ADGRB1: variants seen among roughly 807,000 people sequenced by gnomAD.
ADGRB1 encodes the protein adhesion G protein-coupled receptor B1.
ADGRB1 carries 36 observed loss-of-function variants against 175.7 expected under a neutral mutation model. The observed-to-expected ratio is 0.20, with a 90% CI of 0.16 to 0.27. The LOEUF is 0.27. ADGRB1 is among the 10% of genes least tolerant of loss of function. The pLI is 1.00. For missense variants in ADGRB1, 1,731 were observed against 2,255.3 expected, an observed-to-expected ratio of 0.77 and a Z score of 4.71; for synonymous variants, 1,054 against 979.4, an observed-to-expected ratio of 1.08 and a Z score of -1.42.
chr8:142,520,408 A>ATGGTTGTGT (rs1563735896), intron 19 of ADGRB1, among the ~76,000 whole-genome samples: 20 of 14,806 alleles, frequency 1.4e-3, no homozygotes, highest in African/African-American at 3.4e-3. Context: ...GATGTTGGTA[A>ATGGTTGTGT]TGGTGATAGT....
chr8:142,463,929 G>A (rs900741130), intron 1 of ADGRB1, 51 bp from the exon 2 acceptor site: 1 of 319,572 alleles, frequency 3.1e-6, no homozygotes, highest in Non-Finnish European at 5.7e-6. Context: ...CATGCCCAGA[G>A]CCCACGTCTC....
At chr8:142,456,622 C>T (rs1184616454) in intron 1 of ADGRB1, among the ~76,000 whole-genome samples, 1 of 152,268 alleles carries the variant, frequency 6.6e-6, no homozygotes, top group Non-Finnish European at 1.5e-5. Flanking sequence ...GATGCATCCT[C>T]TAGCCCCTCC....
intron 17 of ADGRB1, among the ~76,000 whole-genome samples, chr8:142,498,171 CT>C (rs1436709721): frequency 6.6e-6 from 1 of 152,174 alleles, no homozygotes; most frequent in East Asian, 1.9e-4. Flanking sequence ...ACCCCTGTCT[CT>C]TTCTTCCTGG....
At chr8:142,472,354 G>C (rs1342480650) in intron 2 of ADGRB1, among the ~76,000 whole-genome samples, 1 of 152,194 alleles carries the variant, frequency 6.6e-6, no homozygotes, top group East Asian at 1.9e-4. Context: ...TTAATGAGAT[G>C]GAAATGAGGC....
chr8:142,525,680 G>A (rs543410978), intron 23 of ADGRB1, among the ~76,000 whole-genome samples: 1 of 152,298 alleles, frequency 6.6e-6, no homozygotes, highest in East Asian at 1.9e-4. Flanking sequence ...AGGGCTACAC[G>A]GTCTACCACC....
intron 11 of ADGRB1, among the ~76,000 whole-genome samples, 160 bp from the exon 12 acceptor site, chr8:142,483,816 TG>T (rs1017449993): frequency 4.0e-5 from 6 of 150,362 alleles, no homozygotes; most frequent in Non-Finnish European, 7.4e-5. Context: ...ACCCTGGCTC[TG>T]GTCACAGTGA....
chr8:142,543,506 G>A lies in ADGRB1; in HGVS notation c.4449+68G>A, dbSNP rs1053451698. 1.9e-6 allele frequency: 3 copies of A among 1,608,686 alleles called. No individual in the cohort carries two copies. Among genetic ancestry groups the A allele is most frequent in the African/African-American group, 2.7e-5 (2 of 74,784 alleles). On this transcript the variant is annotated intron_variant, in intron 29 of 30. Transcript: ENST00000517894. The surrounding 1 kb of genome is among the most constrained non-coding windows in gnomAD (Gnocchi z 4.4). ...TGTGCTCTGGGCTCCCACACGGCCA[G>A]GCAGCTCCCCGGCAGCCAGGGGACG...
Position 142,481,386 on chromosome 8 carries a change from C to T in ADGRB1, c.1935+26C>T, listed in dbSNP as rs781704422. 5.0e-6 allele frequency: 8 copies of T among 1,609,610 alleles called. No homozygotes were observed. In the Admixed American group the frequency reaches 1.3e-4, roughly 27 times the overall value. ...GTGAGGGCCAGTTCCCGGGGGTCTC[C>T]AACCCCTCCCCAATCACCCTGGCCA... On this transcript the variant is annotated intron_variant, in intron 10 of 30. Transcript: ENST00000517894.
chr8:142,486,285 T>C (rs1252492153), intron 13 of ADGRB1, among the ~76,000 whole-genome samples: 1 of 152,144 alleles, frequency 6.6e-6, no homozygotes, highest in Non-Finnish European at 1.5e-5. Context: ...GCAAACCAGA[T>C]GAAAGGAATA....
At chr8:142,522,307 T>C (rs7465185) in intron 21 of ADGRB1, among the ~76,000 whole-genome samples, 192 bp downstream of exon 21, 130,460 of 151,988 alleles carry the variant, frequency 0.86, 58,431 homozygotes, top group Non-Finnish European at 0.98. Flanking sequence ...CACCCAGTTC[T>C]CTTTCATGTC....
chr8:142,515,880 C>T (rs1382776492), intron 18 of ADGRB1, among the ~76,000 whole-genome samples: 2 of 152,244 alleles, frequency 1.3e-5, no homozygotes. Context: ...TCCTGCCGGG[C>T]ACGGCATCAC....
chr8:142,480,922 G>A (rs1294182584), intron 9 of ADGRB1, among the ~76,000 whole-genome samples: 1 of 152,104 alleles, frequency 6.6e-6, no homozygotes, highest in Non-Finnish European at 1.5e-5. Context: ...GCTCCCTCCA[G>A]GGCTCTGGGT....
At chr8:142,508,058 A>T (rs1311529184) in intron 17 of ADGRB1, among the ~76,000 whole-genome samples, 1 of 151,586 alleles carries the variant, frequency 6.6e-6, no homozygotes, top group Non-Finnish European at 1.5e-5. Flanking sequence ...TCCAGTTTTT[A>T]TGTGTCTGGC....
rs761798550 is a variant in ADGRB1, at chr8:142,479,788, G to A, written c.1822G>A (p.Ala608Thr). The A allele has an allele frequency of 3.1e-6, 5 of 1,612,898 alleles. No individual in the cohort carries two copies. Among genetic ancestry groups the A allele is most frequent in the South Asian group, 1.1e-5 (1 of 91,022 alleles). ...EVAAVRCPRN[A>T]TGLILRRCEL... ...GGCTGCTGTCCGGTGTCCCCGCAAC[G>A]CCACAGGTGAGGGCTGGAGAGCACG... Residue 608 changes from alanine to threonine, a missense_variant, in exon 9 of 31, where the codon GCC becomes ACC. This residue lies in a region of ADGRB1 where 388 missense variants were observed against 630.9 expected (regional missense o/e 0.61). Transcript: ENST00000517894.
chr8:142,463,896 C>T (rs1174487859), intron 1 of ADGRB1, 84 bp from the exon 2 acceptor site: 3 of 279,828 alleles, frequency 1.1e-5, no homozygotes, highest in African/African-American at 6.6e-5. Flanking sequence ...GGCTAAGCTG[C>T]CTCCTCTGAG....
rs1307543634 is a variant in ADGRB1 at position 142,542,405 on chromosome 8, C to T, written c.4171C>T (p.Arg1391Cys). 2.4e-5 allele frequency: 37 copies of T among 1,537,060 alleles called. 1 individual carries two copies. The highest frequency in any genetic ancestry group is 2.3e-4 in the Middle Eastern group (1 of 4,398). The change falls in exon 28 of 31, where the codon CGC (arginine) becomes TGC (cysteine). Residue 1391 changes from arginine to cysteine, a missense_variant. By Grantham distance (180) the Arg-to-Cys change is radical. Transcript: ENST00000517894. The surrounding 1 kb of genome is among the most constrained non-coding windows in gnomAD (Gnocchi z 6.3). Reference sequence around the variant, plus strand: ...GGCCCCCGAGGCCAGCCTCCCCGCCCGCAGCCCGCCCTCCCGCCAGCCCCC... The same window carrying T: ...GGCCCCCGAGGCCAGCCTCCCCGCCTGCAGCCCGCCCTCCCGCCAGCCCCC... ...STAPEASLPA[R>C]SPPSRQPPSG...
intron 17 of ADGRB1, among the ~76,000 whole-genome samples, chr8:142,502,332 GTGATGGTGGTGGTGATGGGGA>G (rs1429830917): frequency 7.3e-5 from 7 of 95,548 alleles, no homozygotes; most frequent in African/African-American, 2.8e-4. Flanking sequence ...GGTAGTGATG[GTGATGGTGGTGGTGATGGGGA>G]GGTGGTAGTA....
chr8:142,522,813 C>G, intron 22 of ADGRB1, 103 bp downstream of exon 22: 1 of 1,253,122 alleles, frequency 8.0e-7, no homozygotes, highest in Non-Finnish European at 1.0e-6. Context: ...CCCGTGTGAC[C>G]CTGATCATCT....
At chr8:142,533,703 C>T (rs1844762421) in intron 25 of ADGRB1, among the ~76,000 whole-genome samples, 1 of 152,186 alleles carries the variant, frequency 6.6e-6, no homozygotes, top group African/African-American at 2.4e-5. Flanking sequence ...ATGCCCTGCG[C>T]CCGCACTGGC....
Sources: allele counts gnomAD v4.1 joint callset (sites outside exome capture counted in the v4.1 genomes callset), GRCh38; gene constraint gnomAD v4.1.1; regional missense constraint gnomAD v4.1.1; non-coding constraint Gnocchi (gnomAD v3.1); transcripts MANE v1.5; gene names NCBI Gene and HGNC (gene_info 2026-07-23, HGNC 2026-07-21).